The following RBFOX1 variants were observed in gnomAD, a reference collection of about 807,000 sequenced individuals.
RBFOX1 encodes the protein RNA binding fox-1 homolog 1.
RBFOX1 carries 8 observed loss-of-function variants against 57.7 expected under a neutral mutation model. The observed-to-expected ratio is 0.14, with a 90% confidence interval of 0.08 to 0.25. The LOEUF (loss-of-function observed/expected upper bound fraction) is 0.25, where lower values mean the gene tolerates loss of function less well. Among genes scored for constraint, RBFOX1 ranks in the 10% least tolerant of loss-of-function variants. The pLI is 1.00. For synonymous variants in RBFOX1, 326 were observed against 222.4 expected (o/e 1.47, Z -4.15); for missense variants, 611 against 548.5 (o/e 1.11, Z -1.14).
rs370433389 is a variant in RBFOX1 at position 5,878,707 on chromosome 16, G to C, written c.351+11372G>C. Reference sequence around the variant, plus strand: ...TGACAATCGGGGTCGAAAAAAAAGAGTTATTGCAATTCTGGCTTCCTCTGT... The same window carrying C: ...TGACAATCGGGGTCGAAAAAAAAGACTTATTGCAATTCTGGCTTCCTCTGT... On this transcript the variant is annotated intron_variant, in intron 4 of 19. Coordinates refer to the RBFOX1 transcript ENST00000641259. Among the ~76,000 whole-genome samples, 598 of 152,048 alleles carry C rather than the reference G, an allele frequency of 3.9e-3. 6 individuals are homozygous for C. Among genetic ancestry groups the C allele is most frequent in the African/African-American group, 0.014 (570 of 41,422 alleles).
intron 4 of RBFOX1, among the ~76,000 whole-genome samples, chr16:7,390,158 T>C (rs2097972751): frequency 6.6e-6 from 1 of 151,990 alleles, no homozygotes; most frequent in Non-Finnish European, 1.5e-5. Flanking sequence ...GAAAACTCTA[T>C]CAAAAGAACA....
chr16:6,971,598 A>C (rs537934078), intron 3 of RBFOX1, among the ~76,000 whole-genome samples: 1 of 152,128 alleles, frequency 6.6e-6, no homozygotes, highest in East Asian at 1.9e-4. Flanking sequence ...CAGCTGTTAC[A>C]TGGAATATGG....
chr16:6,249,229 G>T (rs1263022140), intron 1 of RBFOX1, among the ~76,000 whole-genome samples: 2 of 152,118 alleles, frequency 1.3e-5, no homozygotes, highest in East Asian at 3.9e-4. Context: ...AACAGAAGAT[G>T]CATAGGTTTT....
intron 4 of RBFOX1, among the ~76,000 whole-genome samples, chr16:6,012,983 A>G (rs1404187158): frequency 1.3e-5 from 2 of 152,234 alleles, no homozygotes; most frequent in Non-Finnish European, 2.9e-5. Flanking sequence ...AATAGTTCAC[A>G]TATTTGGAGA....
intron 10 of RBFOX1, among the ~76,000 whole-genome samples, chr16:7,610,950 G>T (rs942064084): frequency 7.0e-6 from 1 of 143,878 alleles, no homozygotes; most frequent in African/African-American, 2.4e-5. Flanking sequence ...TTCTGAGTGT[G>T]CCTCAAAGCT....
intron 14 of RBFOX1, among the ~76,000 whole-genome samples, chr16:7,682,336 C>T (rs552005527): frequency 6.6e-6 from 1 of 152,114 alleles, no homozygotes; most frequent in Admixed American, 6.6e-5. Flanking sequence ...CTCAGATCAA[C>T]AAGGAACTGA....
At chr16:6,838,043 G>A (rs1603630715) in intron 3 of RBFOX1, among the ~76,000 whole-genome samples, 2 of 151,524 alleles carry the variant, frequency 1.3e-5, no homozygotes, top group African/African-American at 4.9e-5. Context: ...TAAGTTCCGG[G>A]ATGCATGTGC....
intron 4 of RBFOX1, among the ~76,000 whole-genome samples, chr16:7,455,262 A>C (rs1392387089): frequency 2.0e-5 from 3 of 152,140 alleles, no homozygotes; most frequent in African/African-American, 7.2e-5. Flanking sequence ...ATACCTGAAT[A>C]TGTATTCCTT....
chr16:7,072,095 C>G (rs535382438), intron 4 of RBFOX1, among the ~76,000 whole-genome samples: 3 of 152,224 alleles, frequency 2.0e-5, no homozygotes, highest in African/African-American at 7.2e-5. Context: ...AGTCTTTGTT[C>G]CTTTTACGGT....
intron 4 of RBFOX1, among the ~76,000 whole-genome samples, chr16:7,326,146 G>C (rs576234504): frequency 9.7e-4 from 148 of 152,296 alleles, no homozygotes; most frequent in African/African-American, 3.4e-3. Flanking sequence ...AATACTTATT[G>C]AGCAACTACT....
chr16:5,615,347 A>G (rs746043381), intron 3 of RBFOX1, among the ~76,000 whole-genome samples: 17 of 152,146 alleles, frequency 1.1e-4, no homozygotes, highest in Non-Finnish European at 2.4e-4. Flanking sequence ...TTTTTTTGAC[A>G]AGCTAAGAGG....
intron 4 of RBFOX1, among the ~76,000 whole-genome samples, chr16:7,232,969 C>T (rs1026521046): frequency 1.3e-4 from 19 of 151,982 alleles, no homozygotes; most frequent in African/African-American, 4.6e-4. Context: ...GTTCTTCTTT[C>T]CCTCTCCACA....
chr16:6,105,244 G>C (rs570891710), intron 1 of RBFOX1, among the ~76,000 whole-genome samples: 6 of 152,318 alleles, frequency 3.9e-5, no homozygotes, highest in African/African-American at 1.4e-4. Context: ...ACTGGCACCT[G>C]GTGGCAGGCA....
chr16:6,984,652 A>G (rs756246783), intron 3 of RBFOX1, among the ~76,000 whole-genome samples: 1 of 151,860 alleles, frequency 6.6e-6, no homozygotes, highest in African/African-American at 2.4e-5. Context: ...TAATATTTTT[A>G]TTATTATTTT....
At chr16:6,093,406 T>TA (rs1042551786) in intron 1 of RBFOX1, among the ~76,000 whole-genome samples, 2 of 152,066 alleles carry the variant, frequency 1.3e-5, no homozygotes, top group Non-Finnish European at 2.9e-5. Flanking sequence ...CGCCATCTCT[T>TA]AAAAAATTAA....
chr16:7,150,341 G>C (rs1336034321), intron 4 of RBFOX1, among the ~76,000 whole-genome samples: 1 of 152,102 alleles, frequency 6.6e-6, no homozygotes. Context: ...GTCTATATTA[G>C]ACAGTGCCCA....
In RBFOX1 at chr16:6,826,513, C is replaced by T. The variant is rs564764133; in HGVS notation, c.-16+171863C>T. ...AGTGCCTGGTATACAATAAGCGTTC[C>T]ATAAGTGGCAGTGTGGGCACAGTCT... On this transcript the variant is annotated intron_variant, in intron 3 of 15. Transcript: ENST00000550418. Among the ~76,000 whole-genome samples, 12 of 152,266 alleles carry T rather than the reference C, an allele frequency of 7.9e-5. No homozygotes were observed. In the East Asian group the frequency reaches 1.9e-3, roughly 25 times the overall value.
At chr16:6,575,536 A>G (rs1304775874) in intron 2 of RBFOX1, among the ~76,000 whole-genome samples, 1 of 151,976 alleles carries the variant, frequency 6.6e-6, no homozygotes, top group African/African-American at 2.4e-5. Context: ...ACATGAAAAC[A>G]CATGTGAACC....
intron 2 of RBFOX1, among the ~76,000 whole-genome samples, chr16:5,580,202 A>G (rs551230564): frequency 6.6e-6 from 1 of 152,206 alleles, no homozygotes; most frequent in African/African-American, 2.4e-5. Context: ...GGGGGACCCC[A>G]ACAATGGATG....
Sources: allele counts gnomAD v4.1 joint callset (sites outside exome capture counted in the v4.1 genomes callset), GRCh38; gene constraint gnomAD v4.1.1; transcripts MANE v1.5; gene names NCBI Gene and HGNC (gene_info 2026-07-23, HGNC 2026-07-21).